IL1RAPL2: variants seen among roughly 807,000 people sequenced by gnomAD.
IL1RAPL2 encodes interleukin 1 receptor accessory protein like 2.
Under a neutral mutation model 44.1 loss-of-function variants are expected in IL1RAPL2, and 3 were observed. The observed-to-expected ratio is 0.07, with a 90% CI of 0.03 to 0.18. The LOEUF (loss-of-function observed/expected upper bound fraction) is 0.18, where lower values mean the gene tolerates loss of function less well. Ranked by LOEUF, IL1RAPL2 falls within the 10% of genes least tolerant of loss-of-function variation. The pLI is 1.00. For synonymous variants in IL1RAPL2, 181 were observed against 178.8 expected (o/e 1.01, Z -0.10); for missense variants, 391 against 496.4 (o/e 0.79, Z 2.02).
intron 4 of IL1RAPL2, among the ~76,000 whole-genome samples, chrX:105,241,446 C>T (rs1556208225): frequency 9.0e-6 from 1 of 111,615 alleles, no homozygotes. Flanking sequence ...AAAAATCTTT[C>T]ATTATTCTTT....
At chrX:104,788,483 T>G (rs1932809823) in intron 2 of IL1RAPL2, among the ~76,000 whole-genome samples, 1 of 112,336 alleles carries the variant, frequency 8.9e-6, no homozygotes, top group East Asian at 2.8e-4. Flanking sequence ...GTCAATTATA[T>G]GCAAAGTATT....
intron 5 of IL1RAPL2, among the ~76,000 whole-genome samples, chrX:105,351,618 T>A (rs2035155419): frequency 9.1e-6 from 1 of 109,295 alleles, no homozygotes; most frequent in Admixed American, 9.8e-5. Context: ...CATCACACAC[T>A]GGGGCCTGTC....
chrX:105,393,299 G>C (rs113799784), intron 5 of IL1RAPL2, among the ~76,000 whole-genome samples: 6,772 of 110,458 alleles, frequency 0.061, 499 homozygotes, highest in African/African-American at 0.21. Flanking sequence ...CCTGAGTCAT[G>C]ATTCTACCTC....
chrX:104,768,461 G>C (rs1002474838), intron 2 of IL1RAPL2, among the ~76,000 whole-genome samples: 7 of 111,348 alleles, frequency 6.3e-5, no homozygotes, highest in African/African-American at 2.3e-4. Context: ...CTTCTTTAAG[G>C]GTTTTCATGA....
chrX:105,679,264 A>C (rs1234944350), intron 6 of IL1RAPL2, among the ~76,000 whole-genome samples: 4 of 111,745 alleles, frequency 3.6e-5, no homozygotes, highest in Non-Finnish European at 5.6e-5. Flanking sequence ...AAAGTTCCTT[A>C]CTAGGGGGAA....
rs780332957 is a variant in IL1RAPL2 at position 104,746,507 on chromosome X, AT to A, written c.82+87518del. On this transcript the variant is annotated intron_variant, in intron 2 of 10. Transcript: ENST00000372582. Reference sequence around the variant, plus strand: ...AAATGTGATTTTTAAAATAATATTAATTTTTTCTCATCTTTAGAATAGTGAT... The same window carrying A: ...AAATGTGATTTTTAAAATAATATTAATTTTTCTCATCTTTAGAATAGTGAT... Among the ~76,000 whole-genome samples the A allele has an allele frequency of 4.8e-4, 54 of 111,484 alleles. 3 individuals carry two copies. The highest frequency in any genetic ancestry group is 4.8e-3 in the East Asian group (17 of 3,525).
intron 2 of IL1RAPL2, among the ~76,000 whole-genome samples, chrX:104,997,024 G>A (rs1421149106): frequency 5.4e-5 from 6 of 111,502 alleles, no homozygotes; most frequent in Non-Finnish European, 1.1e-4. Context: ...GACAAGGGAA[G>A]AGCGTAGATA....
At chrX:105,730,269 G>A (rs193178010) in intron 7 of IL1RAPL2, among the ~76,000 whole-genome samples, 210 of 110,812 alleles carry the variant, frequency 1.9e-3, no homozygotes, top group Admixed American at 3.4e-3. Context: ...AAGAGACAAA[G>A]AAGGTCATTA....
At chrX:104,918,702 A>G (rs925774752) in intron 2 of IL1RAPL2, among the ~76,000 whole-genome samples, 5 of 112,010 alleles carry the variant, frequency 4.5e-5, no homozygotes, top group African/African-American at 1.3e-4. Context: ...GTAATTCTCA[A>G]TATGAAATAA....
intron 2 of IL1RAPL2, among the ~76,000 whole-genome samples, chrX:104,752,551 T>C (rs753621593): frequency 2.3e-4 from 25 of 110,590 alleles, no homozygotes; most frequent in African/African-American, 3.9e-4. Flanking sequence ...ATGGCAATCA[T>C]CTATTTGAGT....
chrX:105,218,848 A>C (rs1225257973), intron 3 of IL1RAPL2: 65 of 601,165 alleles, frequency 1.1e-4, no homozygotes, highest in South Asian at 1.7e-4. Flanking sequence ...TCCTTCCCCC[A>C]CTCTTCCCAG....
chrX:105,216,579 C>A (rs2033860016), intron 3 of IL1RAPL2, among the ~76,000 whole-genome samples: 2 of 108,501 alleles, frequency 1.8e-5, no homozygotes, highest in Admixed American at 2.0e-4. Flanking sequence ...ACTTTCTTCA[C>A]TGAATTAGAA....
intron 2 of IL1RAPL2, among the ~76,000 whole-genome samples, chrX:104,790,735 T>G (rs891807608): frequency 8.9e-6 from 1 of 112,092 alleles, no homozygotes; most frequent in African/African-American, 3.2e-5. Flanking sequence ...AGATAACATC[T>G]GTTAACATTT....
intron 1 of IL1RAPL2, among the ~76,000 whole-genome samples, chrX:104,600,852 A>G (rs1375143319): frequency 9.0e-6 from 1 of 111,406 alleles, no homozygotes; most frequent in Non-Finnish European, 1.9e-5. Context: ...TGATTTCATT[A>G]TTTTTTATGG....
At chrX:104,857,101 T>A (rs1474779143) in intron 2 of IL1RAPL2, among the ~76,000 whole-genome samples, 1 of 112,119 alleles carries the variant, frequency 8.9e-6, no homozygotes, top group Non-Finnish European at 1.9e-5. Flanking sequence ...AGCCACTCTT[T>A]CTTCACTTTA....
At chrX:104,712,157 C>T (rs1931470659) in intron 2 of IL1RAPL2, among the ~76,000 whole-genome samples, 1 of 110,606 alleles carries the variant, frequency 9.0e-6, no homozygotes, top group South Asian at 3.8e-4. Flanking sequence ...AAGTTCCCCT[C>T]TTCTCCATGA....
intron 5 of IL1RAPL2, among the ~76,000 whole-genome samples, chrX:105,458,490 C>T (rs185362587): frequency 4.2e-4 from 47 of 111,732 alleles, no homozygotes; most frequent in African/African-American, 1.3e-3. Flanking sequence ...ATGCAACCAT[C>T]ACCAGAATCA....
intron 2 of IL1RAPL2, among the ~76,000 whole-genome samples, chrX:104,861,967 G>C (rs1010289832): frequency 9.0e-6 from 1 of 111,090 alleles, no homozygotes; most frequent in African/African-American, 3.3e-5. Flanking sequence ...AGAGAAGTTT[G>C]AGCTGGGTCT....
intron 6 of IL1RAPL2, among the ~76,000 whole-genome samples, chrX:105,502,893 AT>A (rs976310501): frequency 9.2e-6 from 1 of 108,469 alleles, no homozygotes; most frequent in Non-Finnish European, 1.9e-5. Flanking sequence ...AGCTAAGCGT[AT>A]TTTTTTTTGT....
Sources: allele counts gnomAD v4.1 joint callset (sites outside exome capture counted in the v4.1 genomes callset), GRCh38; gene constraint gnomAD v4.1.1; transcripts MANE v1.5; gene names NCBI Gene and HGNC (gene_info 2026-07-23, HGNC 2026-07-21).